The following PCDHGA8 variants were observed in gnomAD, a reference collection of about 807,000 sequenced individuals.
PCDHGA8 encodes the protein protocadherin gamma subfamily A, 8.
A neutral mutation model predicts 59.2 loss-of-function variants in PCDHGA8; 45 were observed. That is an observed-to-expected ratio of 0.76 (90% CI 0.60 to 0.98). The LOEUF (loss-of-function observed/expected upper bound fraction) is 0.98, where lower values mean the gene tolerates loss of function less well. Ranked by LOEUF, PCDHGA8 falls within the 50% of genes least tolerant of loss-of-function variation. The probability of loss-of-function intolerance (pLI) is 0.00; values close to 1 mark genes in which losing one functional copy is unlikely to be tolerated. For missense variants in PCDHGA8, 1,257 were observed against 1,196.2 expected (o/e 1.05, Z -0.75); for synonymous variants, 531 against 519.0 (o/e 1.02, Z -0.32).
At position 141,464,036 on chromosome 5, in the gene PCDHGA8, G is replaced by A. The variant is rs907276618; in HGVS notation, c.2425-30771G>A. On this transcript the variant is annotated intron_variant, in intron 1 of 3. Coordinates refer to ENST00000398604, the MANE Select transcript of PCDHGA8 (RefSeq NM_032088.2). ...ATCCCACACTTTGGGAGGCCAAGGC[G>A]GGTGGATCACCTGAGGTCAGGAGTT... Among the ~76,000 whole-genome samples the A allele has an allele frequency of 2.6e-5, 4 of 152,096 alleles. No individual in the cohort carries two copies. The East Asian group carries it at 5.8e-4, about 22-fold the overall frequency.
chr5:141,430,639 A>C, intron 1 of PCDHGA8: 6 of 900,712 alleles, frequency 6.7e-6, no homozygotes, highest in Non-Finnish European at 9.7e-6. Context: ...CATCCCTGGG[A>C]GTATGTGGAA....
chr5:141,393,452 G>T lies in PCDHGA8; in HGVS notation c.639G>T (p.Thr213=), dbSNP rs189963623. 9.0e-3 allele frequency: 14,601 copies of T among 1,614,028 alleles called. 101 individuals are homozygous for T. The highest frequency in any genetic ancestry group is 0.01 in the Non-Finnish European group (11,851 of 1,179,906). ...EEEAAHHLVL[T]ASDGGKPPRS... ...AGGCTGCTCACCACCTGGTCCTCACGGCCTCGGATGGCGGCAAGCCGCCTC... is the reference window on the plus strand; with the variant it reads ...AGGCTGCTCACCACCTGGTCCTCACTGCCTCGGATGGCGGCAAGCCGCCTC... The change falls in exon 1 of 4, where the codon ACG becomes ACT. Residue 213 remains threonine (T), a synonymous_variant. Coordinates refer to ENST00000398604, the MANE Select transcript of PCDHGA8 (RefSeq NM_032088.2).
intron 1 of PCDHGA8, chr5:141,415,740 GTTTTTTTTTTTTTTTTTTTTT>G: frequency 1.6e-6 from 1 of 617,990 alleles, no homozygotes; most frequent in Non-Finnish European, 2.1e-6. Context: ...GTTTATTAAG[GTTTTTTTTTTTTTTTTTTTTT>G]TTTTTTTTTT....
intron 1 of PCDHGA8, chr5:141,478,023 A>G (rs2099428714): frequency 6.2e-7 from 1 of 1,614,112 alleles, no homozygotes; most frequent in South Asian, 1.1e-5. Flanking sequence ...CCAGTCCAAG[A>G]CACAGATTCA....
chr5:141,427,638 C>A, intron 1 of PCDHGA8: 1 of 708,528 alleles, frequency 1.4e-6, no homozygotes, highest in East Asian at 2.7e-5. Context: ...GGTTTTCCAC[C>A]AAGTCTCCTA....
intron 1 of PCDHGA8, among the ~76,000 whole-genome samples, chr5:141,450,061 C>A (rs1219642208): frequency 7.2e-6 from 1 of 139,334 alleles, no homozygotes; most frequent in Non-Finnish European, 1.5e-5. Context: ...GGCTGGAATG[C>A]AGTGGTATGA....
Position 141,392,869 on chromosome 5 carries a change from T to G in PCDHGA8, c.56T>G (p.Leu19Arg). 2.5e-6 allele frequency: 4 copies of G among 1,613,228 alleles called. No individual in the cohort carries two copies. The highest frequency in any genetic ancestry group is 3.4e-6 in the Non-Finnish European group (4 of 1,179,730). ...RRGELILLCALLGTLWEIGRG... is the reference protein window; with the variant it reads ...RRGELILLCARLGTLWEIGRG... The stretch of plus-strand genomic sequence containing the variant: ...GGCGAGCTGATCCTGCTGTGCGCGC[T>G]GCTGGGAACGCTGTGGGAAATCGGG... Residue 19 changes from leucine (L) to arginine (R), a missense_variant, in exon 1 of 4, where the codon CTG becomes CGG. Transcript: ENST00000398604.
chr5:141,394,625 G>A lies in PCDHGA8; in HGVS notation c.1812G>A (p.Leu604=). Residue 604 remains leucine (L), a synonymous_variant, in exon 1 of 4, where the codon CTG becomes CTA. Transcript: ENST00000398604. ...GAGACTCGGGCCAGAACGCCTGGCT[G>A]TCCTACCGCCTGCTCAAGGCCAGCG... ...VDRDSGQNAW[L]SYRLLKASEP... 6.2e-7 allele frequency: 1 copy of A among 1,613,496 alleles called. No individual in the cohort carries two copies. Among genetic ancestry groups the A allele is most frequent in the African/African-American group, 1.3e-5 (1 of 75,042 alleles).
intron 1 of PCDHGA8, among the ~76,000 whole-genome samples, chr5:141,451,522 A>G (rs1387873094): frequency 6.6e-6 from 1 of 152,200 alleles, no homozygotes; most frequent in Non-Finnish European, 1.5e-5. Flanking sequence ...TAGAGCAAGT[A>G]AAGGAGAGTG....
In PCDHGA8 at chr5:141,491,244, T is replaced by G. The variant is rs754328211; in HGVS notation, c.2425-3563T>G. The G allele has an allele frequency of 6.2e-6, 10 of 1,614,092 alleles. No homozygotes were observed. The South Asian group carries it at 1.1e-4, about 18-fold the overall frequency. ...CCACAGTGCTGCTGGTTCTGGAGGA[T>G]GAGGACCCTGAGGAAATGCCCAAAT... On this transcript the variant is annotated intron_variant, in intron 1 of 3. Transcript: ENST00000398604. This position sits in a 1 kb window ranked among gnomAD's most constrained non-coding sequence, Gnocchi z 6.9.
At chr5:141,403,701 A>C in intron 1 of PCDHGA8, 2 of 1,613,934 alleles carry the variant, frequency 1.2e-6, no homozygotes, top group South Asian at 2.2e-5. Flanking sequence ...TACCGAGTTA[A>C]AGTCCTTGAG....
intron 1 of PCDHGA8, chr5:141,433,074 A>C: frequency 6.2e-7 from 1 of 1,614,218 alleles, no homozygotes; most frequent in East Asian, 2.2e-5. Flanking sequence ...ATCTTCCCCC[A>C]GCCCAACTAT....
chr5:141,408,336 C>A, intron 1 of PCDHGA8: 1 of 1,613,910 alleles, frequency 6.2e-7, no homozygotes, highest in Non-Finnish European at 8.5e-7. Flanking sequence ...GCCAAGGGCT[C>A]GGTGGTGGGG....
intron 1 of PCDHGA8, among the ~76,000 whole-genome samples, chr5:141,425,555 A>T (rs1282440598): frequency 6.6e-6 from 1 of 152,270 alleles, no homozygotes; most frequent in African/African-American, 2.4e-5. Flanking sequence ...AACCTCTTTT[A>T]TAAGTGATAA....
chr5:141,397,284 C>G (rs185201660), intron 1 of PCDHGA8, among the ~76,000 whole-genome samples: 47 of 152,188 alleles, frequency 3.1e-4, no homozygotes, highest in African/African-American at 1.1e-3. Context: ...GGGCAGTATA[C>G]TTGAATGAAT....
intron 1 of PCDHGA8, chr5:141,420,114 A>G: frequency 6.2e-7 from 1 of 1,614,032 alleles, no homozygotes; most frequent in Non-Finnish European, 8.5e-7. Context: ...CCCTATGCCT[A>G]TAATTTTTGT....
chr5:141,446,455 T>G (rs1347586383), intron 1 of PCDHGA8, among the ~76,000 whole-genome samples: 1 of 151,858 alleles, frequency 6.6e-6, no homozygotes, highest in Non-Finnish European at 1.5e-5. Context: ...AGATATTCAG[T>G]GTGTGATTAG....
intron 1 of PCDHGA8, chr5:141,416,916 T>A (rs751743318): frequency 5.5e-4 from 83 of 152,132 alleles, no homozygotes; most frequent in Non-Finnish European, 8.5e-4. Flanking sequence ...CTCTTTAGGG[T>A]CATAGTTATT....
intron 1 of PCDHGA8, among the ~76,000 whole-genome samples, chr5:141,456,911 C>T (rs1262649726): frequency 2.0e-5 from 3 of 151,928 alleles, no homozygotes; most frequent in Non-Finnish European, 4.4e-5. Flanking sequence ...TGCAGTGAGC[C>T]GAGATCGCAC....
Sources: allele counts gnomAD v4.1 joint callset (sites outside exome capture counted in the v4.1 genomes callset), GRCh38; gene constraint gnomAD v4.1.1; non-coding constraint Gnocchi (gnomAD v3.1); transcripts MANE v1.5; gene names NCBI Gene and HGNC (gene_info 2026-07-23, HGNC 2026-07-21).